The following FHIT variants were observed in gnomAD, a reference collection of about 807,000 sequenced individuals.
The protein encoded by FHIT is bis(5'-adenosyl)-triphosphatase.
FHIT carries 19 observed loss-of-function variants against 17.9 expected under a neutral mutation model. That is an observed-to-expected ratio of 1.06 (90% CI 0.74 to 1.56). The LOEUF (loss-of-function observed/expected upper bound fraction) is 1.56. FHIT is among the 40% of genes most tolerant of loss of function. The pLI is 0.00. For missense variants in FHIT, 248 were observed against 189.2 expected, an observed-to-expected ratio of 1.31 and a Z score of -1.82; for synonymous variants, 81 against 69.7, an observed-to-expected ratio of 1.16 and a Z score of -0.81.
At chr3:59,862,793 T>C (rs1473351014) in intron 8 of FHIT, among the ~76,000 whole-genome samples, 1 of 152,234 alleles carries the variant, frequency 6.6e-6, no homozygotes, top group African/African-American at 2.4e-5. Context: ...GGACTCCGTT[T>C]CACTGGGAAA....
At position 60,012,342 on chromosome 3, in the gene FHIT, C is replaced by T. The variant is rs531824115; in HGVS notation, c.250-942G>A. On this transcript the variant is annotated intron_variant, in intron 6 of 9. Coordinates refer to ENST00000492590, the MANE Select transcript of FHIT (RefSeq NM_002012.4). ...AGAGTATGGTGGCATGATGGCGGCT[C>T]ACTGCACCCTTGACCTCCTGGACTC... is the stretch of plus-strand genomic sequence containing the variant. 2.0e-5 allele frequency among the ~76,000 whole-genome samples: 3 copies of T among 146,634 alleles called. No individual in the cohort carries two copies. In the South Asian group the frequency reaches 6.6e-4, roughly 32 times the overall value.
At chr3:60,094,817 G>C (rs1576085694) in intron 5 of FHIT, among the ~76,000 whole-genome samples, 1 of 90,218 alleles carries the variant, frequency 1.1e-5, no homozygotes. Context: ...GAGAGAGAGA[G>C]AAGAAGAGAG....
chr3:60,795,377 T>C (rs2108129809), intron 4 of FHIT, among the ~76,000 whole-genome samples: 1 of 152,368 alleles, frequency 6.6e-6, no homozygotes, highest in Admixed American at 6.5e-5. Flanking sequence ...CTGTTGAATA[T>C]GTTTGGGTAA....
intron 4 of FHIT, among the ~76,000 whole-genome samples, chr3:60,626,194 G>A (rs1378619023): frequency 2.0e-5 from 3 of 152,098 alleles, no homozygotes; most frequent in Non-Finnish European, 2.9e-5. Flanking sequence ...GACTGTTTCA[G>A]CTATTCTCAG....
intron 2 of FHIT, among the ~76,000 whole-genome samples, chr3:61,114,110 T>A (rs1470993032): frequency 2.0e-5 from 3 of 152,186 alleles, no homozygotes; most frequent in African/African-American, 7.2e-5. Flanking sequence ...TACAATGAAA[T>A]CATGCCCAAT....
At chr3:60,869,758 T>C (rs1553754634) in intron 3 of FHIT, among the ~76,000 whole-genome samples, 1 of 152,042 alleles carries the variant, frequency 6.6e-6, no homozygotes, top group Non-Finnish European at 1.5e-5. Context: ...CCAAGATAAA[T>C]AATAGGGAGC....
At chr3:60,256,806 T>G (rs1706018265) in intron 5 of FHIT, among the ~76,000 whole-genome samples, 1 of 152,156 alleles carries the variant, frequency 6.6e-6, no homozygotes, top group African/African-American at 2.4e-5. Flanking sequence ...ATATCTCTAG[T>G]TTCTTTCTCT....
chr3:60,314,019 G>A (rs1193392559), intron 5 of FHIT, among the ~76,000 whole-genome samples: 1 of 152,208 alleles, frequency 6.6e-6, no homozygotes, highest in Admixed American at 6.5e-5. Context: ...TGCACACATT[G>A]CTTTCCCAAG....
At chr3:60,688,923 A>T (rs782108988) in intron 4 of FHIT, among the ~76,000 whole-genome samples, 1 of 152,132 alleles carries the variant, frequency 6.6e-6, no homozygotes, top group Non-Finnish European at 1.5e-5. Flanking sequence ...GATTCAACCA[A>T]TCATGGATTG....
chr3:60,317,392 T>C (rs1480812761), intron 5 of FHIT, among the ~76,000 whole-genome samples: 1 of 151,438 alleles, frequency 6.6e-6, no homozygotes, highest in Admixed American at 6.6e-5. Context: ...TACCAAATGG[T>C]CTATTAGAAT....
intron 4 of FHIT, among the ~76,000 whole-genome samples, chr3:60,795,821 C>T (rs1700962067): frequency 6.6e-6 from 1 of 152,112 alleles, no homozygotes; most frequent in South Asian, 2.1e-4. Context: ...GTCTGCTTTC[C>T]ATTTTTTGTT....
chr3:61,114,647 C>T (rs1015125778), intron 2 of FHIT, among the ~76,000 whole-genome samples: 4 of 152,138 alleles, frequency 2.6e-5, no homozygotes, highest in East Asian at 1.9e-4. Flanking sequence ...AAGAACCTAG[C>T]GTTGGCCATG....
intron 5 of FHIT, among the ~76,000 whole-genome samples, chr3:60,224,235 C>T (rs1400899569): frequency 1.3e-5 from 2 of 152,230 alleles, no homozygotes; most frequent in East Asian, 3.9e-4. Flanking sequence ...AGAGGAGAAT[C>T]CATTCTTCCT....
intron 5 of FHIT, among the ~76,000 whole-genome samples, chr3:60,124,634 T>C (rs1303746194): frequency 2.6e-5 from 4 of 152,224 alleles, no homozygotes; most frequent in Admixed American, 2.6e-4. Flanking sequence ...CTAATTCACA[T>C]TTAGCCATCA....
At chr3:60,334,313 T>G (rs1407627438) in intron 5 of FHIT, among the ~76,000 whole-genome samples, 1 of 152,296 alleles carries the variant, frequency 6.6e-6, no homozygotes, top group South Asian at 2.1e-4. Context: ...TGGCACAAGG[T>G]TGTATTACTT....
chr3:59,826,781 C>G (rs552307633), intron 8 of FHIT, among the ~76,000 whole-genome samples: 1 of 152,344 alleles, frequency 6.6e-6, no homozygotes, highest in South Asian at 2.1e-4. Flanking sequence ...TAAAAACACC[C>G]CAGGACATTT....
chr3:59,871,886 C>T (rs675411), intron 8 of FHIT, among the ~76,000 whole-genome samples: 31,116 of 152,106 alleles, frequency 0.2, 3,430 homozygotes, highest in African/African-American at 0.26. Flanking sequence ...GTTTCTCTTG[C>T]GCACTGAAGA....
intron 8 of FHIT, among the ~76,000 whole-genome samples, chr3:59,813,594 TAAG>T (rs1700483691): frequency 1.3e-5 from 2 of 152,196 alleles, no homozygotes. Context: ...CTTAAAGAAT[TAAG>T]AATAAGCTGG....
At chr3:60,254,919 G>A (rs1705912323) in intron 5 of FHIT, among the ~76,000 whole-genome samples, 3 of 152,278 alleles carry the variant, frequency 2.0e-5, no homozygotes, top group African/African-American at 7.2e-5. Flanking sequence ...CACAAGGATG[G>A]TTTAAAGGCC....
Sources: allele counts gnomAD v4.1 joint callset (sites outside exome capture counted in the v4.1 genomes callset), GRCh38; gene constraint gnomAD v4.1.1; transcripts MANE v1.5; gene names NCBI Gene and HGNC (gene_info 2026-07-23, HGNC 2026-07-21).